Variants in CCDC81 observed in about 807,000 individuals in gnomAD.
CCDC81 encodes the protein coiled-coil domain-containing protein 81.
Under a neutral mutation model 83.7 loss-of-function variants are expected in CCDC81, and 79 were observed. That is an observed-to-expected ratio of 0.94 (90% CI 0.79 to 1.14). The LOEUF (loss-of-function observed/expected upper bound fraction) is 1.14. Ranked by LOEUF, CCDC81 falls within the 50% of genes most tolerant of loss-of-function variation. The pLI is 0.00. For missense variants in CCDC81, 791 were observed against 778.1 expected (o/e 1.02, Z -0.20); for synonymous variants, 252 against 278.1 (o/e 0.91, Z 0.93).
At chr11:86,384,730 T>C (rs1025172674) in intron 1 of CCDC81, among the ~76,000 whole-genome samples, 2 of 152,248 alleles carry the variant, frequency 1.3e-5, no homozygotes, top group Admixed American at 1.3e-4. Flanking sequence ...AGTTTGTTAA[T>C]GTCACTGTTC....
At chr11:86,382,256 A>G (rs1369501194) in intron 1 of CCDC81, among the ~76,000 whole-genome samples, 2 of 152,174 alleles carry the variant, frequency 1.3e-5, no homozygotes, top group Non-Finnish European at 2.9e-5. Context: ...GAGGGTCAAG[A>G]ATACCTATAG....
chr11:86,395,687 C>T (rs1281666449), intron 5 of CCDC81, among the ~76,000 whole-genome samples: 2 of 152,194 alleles, frequency 1.3e-5, no homozygotes, highest in African/African-American at 4.8e-5. Flanking sequence ...GTGGCACGAT[C>T]TCTGCTCACT....
intron 7 of CCDC81, among the ~76,000 whole-genome samples, chr11:86,406,181 T>C (rs142188500): frequency 2.3e-4 from 35 of 152,360 alleles, no homozygotes; most frequent in Admixed American, 5.9e-4. Flanking sequence ...AAATGATTCT[T>C]ACTGTGTTGT....
intron 1 of CCDC81, among the ~76,000 whole-genome samples, chr11:86,382,119 G>C (rs567054500): frequency 6.6e-6 from 1 of 152,284 alleles, no homozygotes; most frequent in East Asian, 1.9e-4. Context: ...TAAGGATGTT[G>C]ACCTTTATGT....
At position 86,375,113 on chromosome 11, in the gene CCDC81, G is replaced by C; in HGVS notation, c.-51G>C. The C allele has an allele frequency of 1.4e-6, 2 of 1,478,358 alleles. No homozygotes were observed. Among genetic ancestry groups the C allele is most frequent in the Non-Finnish European group, 1.9e-6 (2 of 1,056,668 alleles). The allele number at this position is 1,478,358 out of a possible 1,614,324, so 91.6% of individuals were successfully genotyped here. On this transcript the variant is annotated 5_prime_UTR_variant, in exon 1 of 15. Coordinates refer to ENST00000445632, the MANE Select transcript of CCDC81 (RefSeq NM_001156474.2). Reference sequence around the variant, plus strand: ...TTATTTTTGTGCACATTCCATATAAGAAAGAAGAGACCCATCGAACATTCA... The same window carrying C: ...TTATTTTTGTGCACATTCCATATAACAAAGAAGAGACCCATCGAACATTCA...
intron 1 of CCDC81, 78 bp downstream of exon 1, chr11:86,375,320 T>C: frequency 7.9e-7 from 1 of 1,259,190 alleles, no homozygotes; most frequent in Non-Finnish European, 1.1e-6. Context: ...GGGGACCCAC[T>C]TCCCAATTCC....
intron 7 of CCDC81, among the ~76,000 whole-genome samples, chr11:86,401,943 T>A (rs1378486431): frequency 6.6e-6 from 1 of 151,940 alleles, no homozygotes; most frequent in Non-Finnish European, 1.5e-5. Context: ...AAGACTATCC[T>A]GGCTAACACG....
At chr11:86,387,478 T>C in intron 2 of CCDC81, 38 bp from the exon 3 acceptor site, 1 of 1,602,464 alleles carries the variant, frequency 6.2e-7, no homozygotes, top group South Asian at 1.1e-5. Context: ...TCTTCACTCC[T>C]TCAATGAATT....
In CCDC81 at chr11:86,419,947, G is replaced by A. The variant is rs776456887; in HGVS notation, c.1711G>A (p.Ala571Thr). Residue 571 changes from alanine (A) to threonine (T), a missense_variant, in exon 14 of 15, where the codon GCT (alanine) becomes ACT (threonine). Transcript: ENST00000445632. ...CTCCAGGCACTTGGCAGACAGAACCGCTGAGCTGGAGCGAGTAAATAGAGT... is the reference window on the plus strand; with the variant it reads ...CTCCAGGCACTTGGCAGACAGAACCACTGAGCTGGAGCGAGTAAATAGAGT... ...TQREHLADRT[A>T]ELERVNRVNQ... 1 of 1,612,606 alleles carries A rather than the reference G, an allele frequency of 6.2e-7. No individual in the cohort carries two copies. Among genetic ancestry groups the A allele is most frequent in the Non-Finnish European group, 8.5e-7 (1 of 1,179,306 alleles).
At chr11:86,384,134 G>T (rs1397339786) in intron 1 of CCDC81, among the ~76,000 whole-genome samples, 3 of 152,186 alleles carry the variant, frequency 2.0e-5, no homozygotes, top group Non-Finnish European at 2.9e-5. Flanking sequence ...GACTGTTAGA[G>T]TCATAAATTT....
intron 7 of CCDC81, among the ~76,000 whole-genome samples, chr11:86,401,033 C>T (rs1948480196): frequency 6.6e-6 from 1 of 152,106 alleles, no homozygotes; most frequent in African/African-American, 2.4e-5. Context: ...TGTTATGACA[C>T]AGGCGGAAAC....
chr11:86,400,015 C>T (rs1424818683), intron 6 of CCDC81, among the ~76,000 whole-genome samples: 2 of 151,276 alleles, frequency 1.3e-5, no homozygotes, highest in Admixed American at 1.3e-4. Context: ...CCTGTTATTC[C>T]AGCTACTTGG....
At chr11:86,375,277 G>A (rs1565754985) in intron 1 of CCDC81, 35 bp downstream of exon 1, 2 of 1,564,800 alleles carry the variant, frequency 1.3e-6, no homozygotes, top group Admixed American at 3.3e-5. Flanking sequence ...TGGCCCTGGG[G>A]ATTGAATCTT....
intron 11 of CCDC81, among the ~76,000 whole-genome samples, chr11:86,413,948 C>T (rs552858403): frequency 6.6e-6 from 1 of 152,248 alleles, no homozygotes; most frequent in Non-Finnish European, 1.5e-5. Flanking sequence ...TGAACAGAAA[C>T]TCCTAAAACA....
intron 1 of CCDC81, among the ~76,000 whole-genome samples, chr11:86,379,659 T>A (rs1948149843): frequency 6.6e-6 from 1 of 152,214 alleles, no homozygotes; most frequent in Admixed American, 6.5e-5. Context: ...CTAGACAAAC[T>A]GCTATCTGTT....
intron 1 of CCDC81, among the ~76,000 whole-genome samples, chr11:86,382,861 G>T (rs891452361): frequency 6.6e-6 from 1 of 152,108 alleles, no homozygotes; most frequent in African/African-American, 2.4e-5. Flanking sequence ...AACGGGGAGG[G>T]AGTGATCAAT....
At position 86,375,074 on chromosome 11, in the gene CCDC81, G is replaced by A; in HGVS notation, c.-90G>A. The A allele has an allele frequency of 8.8e-7, 1 of 1,133,974 alleles. No individual in the cohort carries two copies. The highest frequency in any genetic ancestry group is 1.3e-6 in the Non-Finnish European group (1 of 745,440). 70.2% of individuals were successfully genotyped at this position (1,133,974 alleles called of 1,614,324 possible). On this transcript the variant is annotated 5_prime_UTR_variant, in exon 1 of 15. Coordinates refer to ENST00000445632, the MANE Select transcript of CCDC81 (RefSeq NM_001156474.2). ...TCCAAAGCTCCGTGGAGAAGGGGCT[G>A]GAGGGTGGGAAAATTATTTTTGTGC...
chr11:86,400,372 T>C (rs1345192621), intron 6 of CCDC81, among the ~76,000 whole-genome samples: 1 of 152,200 alleles, frequency 6.6e-6, no homozygotes, highest in Non-Finnish European at 1.5e-5. Flanking sequence ...ATCAAAGTTG[T>C]AAAACTACCA....
intron 11 of CCDC81, among the ~76,000 whole-genome samples, chr11:86,413,886 C>G (rs1388038064): frequency 6.6e-6 from 1 of 152,076 alleles, no homozygotes; most frequent in Non-Finnish European, 1.5e-5. Flanking sequence ...CTAAGGGGGC[C>G]CACATTTTTG....
Sources: gnomAD v4.1 joint callset for allele counts (sites outside exome capture counted in the v4.1 genomes callset) on GRCh38, gnomAD v4.1.1 for gene constraint, MANE v1.5 for transcripts, NCBI Gene and HGNC (gene_info 2026-07-23, HGNC 2026-07-21) for gene names.